The following AGAP1 variants were observed in gnomAD, a reference collection of about 807,000 sequenced individuals.
AGAP1 encodes arf-GAP with GTPase, ANK repeat and PH domain-containing protein 1.
Under a neutral mutation model 105.3 loss-of-function variants are expected in AGAP1, and 29 were observed. The observed-to-expected ratio is 0.28, with a 90% confidence interval of 0.21 to 0.38. The LOEUF (loss-of-function observed/expected upper bound fraction) is 0.38. Ranked by LOEUF, AGAP1 falls within the 10% of genes least tolerant of loss-of-function variation. AGAP1 has a pLI of 1.00. For missense variants in AGAP1, 998 were observed against 1,165.1 expected (o/e 0.86, Z 2.09); for synonymous variants, 509 against 485.9 (o/e 1.05, Z -0.63).
intron 1 of AGAP1, among the ~76,000 whole-genome samples, chr2:235,500,944 T>C (rs1941536050): frequency 6.6e-6 from 1 of 152,146 alleles, no homozygotes; most frequent in African/African-American, 2.4e-5. Flanking sequence ...GCATTTTCGC[T>C]TAACACCCTC....
intron 16 of AGAP1, among the ~76,000 whole-genome samples, chr2:236,094,223 G>A (rs141131057): frequency 1.6e-3 from 242 of 151,914 alleles, no homozygotes; most frequent in African/African-American, 5.5e-3. Flanking sequence ...AGAAGGCCAC[G>A]TCAGGAGGAT....
In AGAP1 at chr2:235,668,279, C is replaced by A. The variant is rs575593953; in HGVS notation, c.164-40900C>A. ...AATGCTGTCATAAAATCTAGATTTC[C>A]TAGGCTATAACTTCTATAACTTCCT... On this transcript the variant is annotated intron_variant, in intron 1 of 17. Coordinates refer to ENST00000304032, the MANE Select transcript of AGAP1 (RefSeq NM_001037131.3). Among the ~76,000 whole-genome samples the A allele has an allele frequency of 2.6e-5, 4 of 152,254 alleles. No homozygotes were observed. The East Asian group carries it at 7.7e-4, about 29-fold the overall frequency.
rs911134384 is a variant in AGAP1 at position 235,908,966 on chromosome 2, C to T, written c.1324+60C>T. 2.7e-5 allele frequency: 42 copies of T among 1,534,410 alleles called. No individual in the cohort carries two copies. Among genetic ancestry groups the T allele is most frequent in the East Asian group, 6.8e-5 (3 of 44,128 alleles). On this transcript the variant is annotated intron_variant, in intron 11 of 17. Coordinates refer to ENST00000304032, the MANE Select transcript of AGAP1 (RefSeq NM_001037131.3). This position sits in a 1 kb window ranked among gnomAD's most constrained non-coding sequence, Gnocchi z 4.4. ...TCAACAGCAACAGGTGGTCCAGGCTCGAGGATAATGTTGGACTCCTAGGTT... is the reference window on the plus strand; with the variant it reads ...TCAACAGCAACAGGTGGTCCAGGCTTGAGGATAATGTTGGACTCCTAGGTT...
intron 1 of AGAP1, among the ~76,000 whole-genome samples, chr2:235,554,634 C>A (rs1162688784): frequency 2.0e-5 from 3 of 152,188 alleles, no homozygotes; most frequent in Admixed American, 2.0e-4. Flanking sequence ...GGAGCTGTTT[C>A]TTTCTTCTCT....
chr2:235,653,496 A>T (rs36171287), intron 1 of AGAP1, among the ~76,000 whole-genome samples: 3 of 107,762 alleles, frequency 2.8e-5, no homozygotes, highest in African/African-American at 8.7e-5. Context: ...AAATAAAATA[A>T]AATATAACAT....
rs895253894 is a variant in AGAP1 at position 236,012,550 on chromosome 2, G to A, written c.1646-24011G>A. ...ACCCGGGACAGATTTGGTTTCCTTC[G>A]TTCCTCATGCATGGTATTTGTACCG... On this transcript the variant is annotated intron_variant, in intron 13 of 17. Coordinates refer to ENST00000304032, the MANE Select transcript of AGAP1 (RefSeq NM_001037131.3). The surrounding 1 kb of genome is among the most constrained non-coding windows in gnomAD (Gnocchi z 4.9). Among the ~76,000 whole-genome samples the A allele has an allele frequency of 1.3e-5, 2 of 151,986 alleles. No homozygotes were observed. Among genetic ancestry groups the A allele is most frequent in the South Asian group, 4.1e-4 (2 of 4,824 alleles).
chr2:235,783,338 A>G (rs1878154), intron 6 of AGAP1: 119,207 of 470,778 alleles, frequency 0.25, 17,399 homozygotes, highest in Admixed American at 0.46. Flanking sequence ...ATTTAGATGT[A>G]TGCTTAATGT....
Position 235,744,721 on chromosome 2 carries a change from T to C in AGAP1, c.420T>C (p.Val140=), listed in dbSNP as rs1160665645. 6.2e-7 allele frequency: 1 copy of C among 1,613,944 alleles called. No individual in the cohort carries two copies. ...EAQFAMWVDA[V]IFVFSLEDEI... is the part of the protein sequence containing the mutation. Reference sequence around the variant, plus strand: ...AGTTTGCCATGTGGGTGGACGCTGTTATATTTGTCTTCAGCTTGGAGGATG... The same window carrying C: ...AGTTTGCCATGTGGGTGGACGCTGTCATATTTGTCTTCAGCTTGGAGGATG... The change falls in exon 5 of 18, where the codon GTT becomes GTC. Residue 140 remains valine, a synonymous_variant. Transcript: ENST00000304032. The surrounding 1 kb of genome is among the most constrained non-coding windows in gnomAD (Gnocchi z 5.2).
intron 9 of AGAP1, among the ~76,000 whole-genome samples, chr2:235,870,800 C>G (rs908796944): frequency 1.3e-5 from 2 of 152,186 alleles, no homozygotes; most frequent in Non-Finnish European, 1.5e-5. Context: ...TCTGCCTTTC[C>G]CATAAGAACT....
intron 1 of AGAP1, chr2:235,670,425 G>A (rs1226786614): frequency 5.4e-6 from 3 of 557,706 alleles, no homozygotes; most frequent in South Asian, 3.9e-5. Context: ...GGGCGGCTCC[G>A]GCCGTGCGCA....
intron 2 of AGAP1, among the ~76,000 whole-genome samples, chr2:235,713,574 G>A (rs1261087578): frequency 1.3e-5 from 2 of 152,070 alleles, no homozygotes; most frequent in African/African-American, 2.4e-5. Flanking sequence ...GGAATTGTCA[G>A]TATTGGAGGA....
At chr2:235,685,613 T>C (rs1203735372) in intron 1 of AGAP1, among the ~76,000 whole-genome samples, 5 of 151,968 alleles carry the variant, frequency 3.3e-5, no homozygotes, top group Non-Finnish European at 7.4e-5. Context: ...CGAAGGCCCA[T>C]GGGTGGTTTT....
chr2:235,917,696 A>C (rs2051964582), intron 11 of AGAP1, among the ~76,000 whole-genome samples: 1 of 152,154 alleles, frequency 6.6e-6, no homozygotes, highest in South Asian at 2.1e-4. Flanking sequence ...CCCGGAGATT[A>C]ATGAGGCCTA....
intron 8 of AGAP1, among the ~76,000 whole-genome samples, chr2:235,804,240 T>C (rs1468582872): frequency 6.6e-6 from 1 of 152,242 alleles, no homozygotes; most frequent in Non-Finnish European, 1.5e-5. Context: ...CTTGAAATTA[T>C]ACATTACATG....
chr2:236,120,414 G>A lies in AGAP1; in HGVS notation c.2337G>A (p.Lys779=), dbSNP rs762088064. The A allele has an allele frequency of 5.6e-6, 9 of 1,611,506 alleles. No individual in the cohort carries two copies. Among genetic ancestry groups the A allele is most frequent in the Non-Finnish European group, 7.6e-6 (9 of 1,179,790 alleles). The change falls in exon 17 of 18, where the codon AAG becomes AAA. Residue 779 remains lysine (K), a synonymous_variant. Coordinates refer to ENST00000304032, the MANE Select transcript of AGAP1 (RefSeq NM_001037131.3). The surrounding 1 kb of genome is among the most constrained non-coding windows in gnomAD (Gnocchi z 6.0). ...CGGCGCTGCATCTGGCCTGCCGCAAGGGGAATGTGGTCCTGGCGCAGCTCC... is the reference window on the plus strand; with the variant it reads ...CGGCGCTGCATCTGGCCTGCCGCAAAGGGAATGTGGTCCTGGCGCAGCTCC... ...GRTALHLACR[K]GNVVLAQLLI...
intron 16 of AGAP1, among the ~76,000 whole-genome samples, chr2:236,106,420 C>T (rs559492091): frequency 1.3e-5 from 2 of 152,354 alleles, no homozygotes; most frequent in South Asian, 4.1e-4. Flanking sequence ...CTCAGGACCC[C>T]TGGGCGGGCA....
chr2:235,791,586 A>G (rs1303180720), intron 6 of AGAP1, among the ~76,000 whole-genome samples: 1 of 151,970 alleles, frequency 6.6e-6, no homozygotes, highest in Non-Finnish European at 1.5e-5. Flanking sequence ...CTTTGGCCAG[A>G]CTGGAGTACA....
chr2:235,765,354 C>T (rs912296338), intron 6 of AGAP1, among the ~76,000 whole-genome samples: 1 of 151,888 alleles, frequency 6.6e-6, no homozygotes. Flanking sequence ...GCGCCCGTGG[C>T]AGCTGCTTTG....
rs1187596647 is a variant in AGAP1 at position 236,123,667 on chromosome 2, G to T, written c.2371-252G>T. On this transcript the variant is annotated intron_variant, in intron 17 of 17. Coordinates refer to ENST00000304032, the MANE Select transcript of AGAP1 (RefSeq NM_001037131.3). This position sits in a 1 kb window ranked among gnomAD's most constrained non-coding sequence, Gnocchi z 4.6. ...AAACAGCAAAACTAAAGTTATCTTT[G>T]ATTCCTTAATGTTGCACAAAGGAGG... 1.3e-5 allele frequency among the ~76,000 whole-genome samples: 2 copies of T among 152,000 alleles called. No individual in the cohort carries two copies. Among genetic ancestry groups the T allele is most frequent in the African/African-American group, 2.4e-5 (1 of 41,368 alleles).
Sources: gnomAD v4.1 joint callset for allele counts (sites outside exome capture counted in the v4.1 genomes callset) on GRCh38, gnomAD v4.1.1 for gene constraint, Gnocchi (gnomAD v3.1) non-coding constraint, MANE v1.5 for transcripts, NCBI Gene and HGNC (gene_info 2026-07-23, HGNC 2026-07-21) for gene names.